The following FAM47E variants were observed in gnomAD, a reference collection of about 807,000 sequenced individuals.
FAM47E encodes the protein protein FAM47E.
FAM47E carries 32 observed loss-of-function variants against 41.6 expected under a neutral mutation model. The ratio of observed to expected loss-of-function variants is 0.77; its 90% CI spans 0.58 to 1.03. The LOEUF (loss-of-function observed/expected upper bound fraction) is 1.03, where lower values mean the gene tolerates loss of function less well. FAM47E is among the 50% of genes least tolerant of loss of function. The pLI is 0.00. For missense variants in FAM47E, 424 were observed against 485.4 expected (o/e 0.87, Z 1.19); for synonymous variants, 184 against 188.7 (o/e 0.98, Z 0.20).
intron 6 of FAM47E, chr4:76,278,558 A>G (rs1560753794): frequency 8.7e-6 from 3 of 345,064 alleles, no homozygotes; most frequent in Admixed American, 9.4e-5. Context: ...CCCAGAATAG[A>G]TGTGCTGTCA....
At chr4:76,259,188 G>A (rs1734305239) in intron 2 of FAM47E, among the ~76,000 whole-genome samples, 3 of 152,180 alleles carry the variant, frequency 2.0e-5, no homozygotes, top group South Asian at 4.1e-4. Context: ...ATATAACACC[G>A]TGGTTGCCTT....
chr4:76,237,028 T>C (rs1268256437), intron 2 of FAM47E, among the ~76,000 whole-genome samples: 1 of 151,654 alleles, frequency 6.6e-6, no homozygotes. Context: ...CCTGAGTAGC[T>C]GGGACTACAG....
At chr4:76,240,243 A>C (rs1733679130) in intron 2 of FAM47E, among the ~76,000 whole-genome samples, 1 of 152,170 alleles carries the variant, frequency 6.6e-6, no homozygotes, top group South Asian at 2.1e-4. Context: ...TGGCCTCTGA[A>C]GTTTCTGATG....
chr4:76,270,180 G>C (rs1734827064), intron 4 of FAM47E, among the ~76,000 whole-genome samples: 1 of 149,112 alleles, frequency 6.7e-6, no homozygotes, highest in Non-Finnish European at 1.5e-5. Flanking sequence ...GTGCAACTTG[G>C]ACTTCATTCT....
intron 2 of FAM47E, among the ~76,000 whole-genome samples, chr4:76,222,919 AG>A (rs900215869): frequency 7.9e-5 from 12 of 152,114 alleles, no homozygotes; most frequent in African/African-American, 2.4e-4. Context: ...GAAGAAAGGC[AG>A]GGGGGGAAGA....
chr4:76,220,207 C>T (rs566089145), intron 2 of FAM47E, among the ~76,000 whole-genome samples: 1 of 152,264 alleles, frequency 6.6e-6, no homozygotes, highest in East Asian at 1.9e-4. Context: ...TACTTGTAAA[C>T]CAGTGTTCAT....
chr4:76,264,503 C>A (rs1471560446), intron 3 of FAM47E, among the ~76,000 whole-genome samples: 4 of 152,062 alleles, frequency 2.6e-5, no homozygotes, highest in African/African-American at 9.7e-5. Context: ...GTAACACATT[C>A]TTGATTCCCC....
chr4:76,221,802 G>A (rs1578749311), intron 2 of FAM47E, among the ~76,000 whole-genome samples: 1 of 152,176 alleles, frequency 6.6e-6, no homozygotes, highest in East Asian at 1.9e-4. Context: ...TACCTATTGG[G>A]TATCATGCTC....
chr4:76,233,644 C>G (rs1359810180), intron 2 of FAM47E, among the ~76,000 whole-genome samples: 1 of 151,960 alleles, frequency 6.6e-6, no homozygotes, highest in Non-Finnish European at 1.5e-5. Flanking sequence ...ATATAACAGC[C>G]AGGCAGGAGA....
chr4:76,216,061 G>A (rs765749508), intron 1 of FAM47E, among the ~76,000 whole-genome samples: 4 of 152,098 alleles, frequency 2.6e-5, no homozygotes, highest in Admixed American at 6.5e-5. Flanking sequence ...AACCTGGTGG[G>A]GTCCTGAATG....
intron 2 of FAM47E, among the ~76,000 whole-genome samples, chr4:76,258,063 G>T (rs1734262373): frequency 1.3e-5 from 2 of 152,194 alleles, no homozygotes; most frequent in South Asian, 4.1e-4. Context: ...CCATGACAAA[G>T]AGATTGATTG....
At chr4:76,220,403 G>C (rs1733287585) in intron 2 of FAM47E, among the ~76,000 whole-genome samples, 1 of 152,316 alleles carries the variant, frequency 6.6e-6, no homozygotes, top group Non-Finnish European at 1.5e-5. Flanking sequence ...GAGGCAGGAG[G>C]ATTGCTTGGG....
chr4:76,259,833 G>A (rs1272666371), intron 2 of FAM47E, among the ~76,000 whole-genome samples: 1 of 152,096 alleles, frequency 6.6e-6, no homozygotes, highest in East Asian at 1.9e-4. Flanking sequence ...TCATCCAAAA[G>A]ACTCCTAGAC....
chr4:76,269,774 C>T (rs1734808807), intron 4 of FAM47E, among the ~76,000 whole-genome samples: 1 of 133,824 alleles, frequency 7.5e-6, no homozygotes, highest in Non-Finnish European at 1.6e-5. Flanking sequence ...GGCAACAAAG[C>T]AAGATCCTGT....
chr4:76,260,214 T>G (rs1734350372), intron 2 of FAM47E, among the ~76,000 whole-genome samples: 1 of 152,066 alleles, frequency 6.6e-6, no homozygotes, highest in Non-Finnish European at 1.5e-5. Context: ...AAAAAACAAT[T>G]CTAAAATTCA....
upstream of FAM47E, among the ~76,000 whole-genome samples, chr4:76,249,447 T>G (rs932820627): frequency 6.6e-6 from 1 of 152,218 alleles, no homozygotes; most frequent in Non-Finnish European, 1.5e-5. Context: ...CTTAGGAAAC[T>G]CTACCTCTTG....
At chr4:76,218,490 C>A (rs1733253249) in intron 2 of FAM47E, among the ~76,000 whole-genome samples, 1 of 152,202 alleles carries the variant, frequency 6.6e-6, no homozygotes, top group Non-Finnish European at 1.5e-5. Context: ...TACCCATGTC[C>A]CTGTCTACCG....
Position 76,278,100 on chromosome 4 carries a change from G to C in FAM47E, c.902G>C (p.Arg301Thr), listed in dbSNP as rs1735203340. 2 of 1,547,568 alleles carry C rather than the reference G, an allele frequency of 1.3e-6. No individual in the cohort carries two copies. The highest frequency in any genetic ancestry group is 1.7e-6 in the Non-Finnish European group (2 of 1,145,780). Residue 301 changes from arginine to threonine, a missense_variant, in exon 6 of 8, where the codon AGG becomes ACG. Arg to Thr is a moderately conservative substitution (Grantham distance 71). Coordinates refer to ENST00000424749, the MANE Select transcript of FAM47E (RefSeq NM_001136570.3). The part of the protein sequence containing the change: ...NPYKPKWVKM[R>T]YGAWYLNPKL... The stretch of plus-strand genomic sequence containing the variant: ...TATAAGCCAAAGTGGGTGAAGATGA[G>C]GTATGGAGCATGGTATTTGAACCCC...
At chr4:76,233,861 T>G (rs989995499) in intron 2 of FAM47E, among the ~76,000 whole-genome samples, 1 of 151,716 alleles carries the variant, frequency 6.6e-6, no homozygotes, top group African/African-American at 2.4e-5. Flanking sequence ...GATAGTTGGT[T>G]GGGGGGGGCT....
Sources: gnomAD v4.1 joint callset for allele counts (sites outside exome capture counted in the v4.1 genomes callset) on GRCh38, gnomAD v4.1.1 for gene constraint, MANE v1.5 for transcripts, NCBI Gene and HGNC (gene_info 2026-07-23, HGNC 2026-07-21) for gene names.